NLK: variants seen among roughly 807,000 people sequenced by gnomAD.
NLK encodes the protein serine/threonine-protein kinase NLK.
NLK carries 11 observed loss-of-function variants against 59.0 expected under a neutral mutation model. The observed-to-expected ratio is 0.19, with a 90% confidence interval of 0.12 to 0.31. The LOEUF (loss-of-function observed/expected upper bound fraction) is 0.31. Ranked by LOEUF, NLK falls within the 10% of genes least tolerant of loss-of-function variation. The pLI is 1.00. For missense variants in NLK, 410 were observed against 661.1 expected (o/e 0.62, Z 4.16); for synonymous variants, 235 against 235.9 (o/e 1.00, Z 0.03).
At chr17:28,181,644 C>G (rs1397415685) in intron 7 of NLK, among the ~76,000 whole-genome samples, 1 of 151,674 alleles carries the variant, frequency 6.6e-6, no homozygotes, top group Non-Finnish European at 1.5e-5. Flanking sequence ...TCTACAGATA[C>G]TTGAATGCCA....
intron 2 of NLK, among the ~76,000 whole-genome samples, chr17:28,129,455 A>G (rs1906426116): frequency 6.6e-6 from 1 of 152,130 alleles, no homozygotes; most frequent in Non-Finnish European, 1.5e-5. Context: ...TCCCGTCTCA[A>G]AAAAAAGCAA....
intron 1 of NLK, among the ~76,000 whole-genome samples, chr17:28,107,854 G>C (rs189494023): frequency 1.2e-4 from 19 of 152,186 alleles, no homozygotes; most frequent in African/African-American, 4.3e-4. Flanking sequence ...TGCTCTCAAG[G>C]GTTTATAACT....
At position 28,168,104 on chromosome 17, in the gene NLK, C is replaced by T. The variant is rs1908314060; in HGVS notation, c.838-344C>T. Among the ~76,000 whole-genome samples the T allele has an allele frequency of 2.0e-5, 3 of 151,326 alleles. No individual in the cohort carries two copies. In the South Asian group the frequency reaches 6.2e-4, roughly 31 times the overall value. On this transcript the variant is annotated intron_variant, in intron 5 of 10. Transcript: ENST00000407008. ...CTTTGGGAGGCCAAGGCAGATGGAT[C>T]ACCTGAGGTCAGGAGTTTGAGACCA...
At chr17:28,180,009 A>G (rs1312974304) in intron 7 of NLK, among the ~76,000 whole-genome samples, 3 of 151,800 alleles carry the variant, frequency 2.0e-5, no homozygotes, top group South Asian at 4.2e-4. Context: ...AGTGGGAAGA[A>G]AGTGAACTTA....
chr17:28,203,944 G>A, the NLK span, among the ~76,000 whole-genome samples: 1 of 152,190 alleles, frequency 6.6e-6, no homozygotes, highest in Non-Finnish European at 1.5e-5. Context: ...CAGCTCAGTG[G>A]AACGCTGACT....
intron 3 of NLK, among the ~76,000 whole-genome samples, chr17:28,145,104 G>C (rs1907191019): frequency 1.3e-5 from 2 of 152,138 alleles, no homozygotes; most frequent in African/African-American, 4.8e-5. Context: ...TTAATTGATA[G>C]TTTACATCAC....
chr17:28,115,222 C>A (rs1306699881), intron 1 of NLK, among the ~76,000 whole-genome samples: 2 of 152,000 alleles, frequency 1.3e-5, no homozygotes, highest in Non-Finnish European at 2.9e-5. Context: ...ATAGGAGGTG[C>A]AAGTCCCTTC....
chr17:28,182,259 TTTTGTTTG>T (rs574908291), intron 7 of NLK, among the ~76,000 whole-genome samples: 2 of 152,146 alleles, frequency 1.3e-5, no homozygotes, highest in East Asian at 3.8e-4. Context: ...TTGGTGTTGT[TTTTGTTTG>T]TTTGTTTGTT....
downstream of NLK, among the ~76,000 whole-genome samples, chr17:28,199,820 T>C (rs1909584764): frequency 6.6e-6 from 1 of 151,470 alleles, no homozygotes; most frequent in African/African-American, 2.4e-5. Flanking sequence ...AACAATAAAA[T>C]GTCAAGGAGC....
At chr17:28,177,888 T>C (rs1442135907) in intron 7 of NLK, among the ~76,000 whole-genome samples, 1 of 152,240 alleles carries the variant, frequency 6.6e-6, no homozygotes, top group East Asian at 1.9e-4. Context: ...GAATGTTGCC[T>C]GCATACTATA....
In NLK at chr17:28,134,512, G is replaced by C. The variant is rs369913214; in HGVS notation, c.644+1837G>C. ...TTAGAAATGATTTAAAACATACAGAGGATTGGATACAGGCTATATGCAAAT... is the reference window on the plus strand; with the variant it reads ...TTAGAAATGATTTAAAACATACAGACGATTGGATACAGGCTATATGCAAAT... On this transcript the variant is annotated intron_variant, in intron 3 of 10. Coordinates refer to ENST00000407008, the MANE Select transcript of NLK (RefSeq NM_016231.5). 3.9e-5 allele frequency among the ~76,000 whole-genome samples: 6 copies of C among 152,284 alleles called. 1 individual carries two copies. Among genetic ancestry groups the C allele is most frequent in the African/African-American group, 1.2e-4 (5 of 41,550 alleles).
intron 1 of NLK, among the ~76,000 whole-genome samples, chr17:28,116,925 T>G (rs1160886392): frequency 6.6e-6 from 1 of 152,224 alleles, no homozygotes; most frequent in Non-Finnish European, 1.5e-5. Flanking sequence ...GAGGGAGATG[T>G]AGTTGTGAAT....
In NLK at chr17:28,147,818, G is replaced by A. The variant is rs549120566; in HGVS notation, c.645-13342G>A. Among the ~76,000 whole-genome samples, 12 of 152,252 alleles carry A rather than the reference G, an allele frequency of 7.9e-5. No individual in the cohort carries two copies. The East Asian group carries it at 2.3e-3, about 29-fold the overall frequency. Reference sequence around the variant, plus strand: ...TTGTGGGAATCTAGCAGGATGTGCTGCTTGTTATATTTGGGCACTGTCCAC... The same window carrying A: ...TTGTGGGAATCTAGCAGGATGTGCTACTTGTTATATTTGGGCACTGTCCAC... On this transcript the variant is annotated intron_variant, in intron 3 of 10. Coordinates refer to ENST00000407008, the MANE Select transcript of NLK (RefSeq NM_016231.5).
chr17:28,140,367 A>G (rs1356177929), intron 3 of NLK, among the ~76,000 whole-genome samples: 1 of 152,224 alleles, frequency 6.6e-6, no homozygotes, highest in Non-Finnish European at 1.5e-5. Context: ...GTTGCACAAC[A>G]TTGTGAATGT....
chr17:28,203,400 ACT>A, the NLK span, among the ~76,000 whole-genome samples: 1 of 151,962 alleles, frequency 6.6e-6, no homozygotes, highest in Admixed American at 6.6e-5. Context: ...CACCACTGTC[ACT>A]CTCATGGAAT....
chr17:28,093,051 C>A (rs1597675798), intron 1 of NLK, among the ~76,000 whole-genome samples: 1 of 152,034 alleles, frequency 6.6e-6, no homozygotes, highest in Non-Finnish European at 1.5e-5. Flanking sequence ...CCTTGGCCCC[C>A]CAAAGTGCTG....
chr17:28,134,278 G>A (rs2142023346), intron 3 of NLK, among the ~76,000 whole-genome samples: 2 of 152,050 alleles, frequency 1.3e-5, no homozygotes, highest in Admixed American at 6.5e-5. Flanking sequence ...GCACATGCCT[G>A]TAGTCCCAGC....
At chr17:28,203,386 CCAT>C in the NLK span, among the ~76,000 whole-genome samples, 2 of 152,106 alleles carry the variant, frequency 1.3e-5, no homozygotes, top group African/African-American at 4.8e-5. Context: ...ACTAATGCTA[CCAT>C]CACCACTGTC....
intron 2 of NLK, among the ~76,000 whole-genome samples, chr17:28,124,100 C>T (rs933916586): frequency 2.0e-5 from 3 of 152,150 alleles, no homozygotes; most frequent in Non-Finnish European, 2.9e-5. Context: ...CTCGAAGCTC[C>T]TTGGTTTGAC....
Sources: gnomAD v4.1 joint callset for allele counts (sites outside exome capture counted in the v4.1 genomes callset) on GRCh38, gnomAD v4.1.1 for gene constraint, MANE v1.5 for transcripts, NCBI Gene and HGNC (gene_info 2026-07-23, HGNC 2026-07-21) for gene names.